CD84: variants seen among roughly 807,000 people sequenced by gnomAD.
The protein encoded by CD84 is SLAM family member 5.
A neutral mutation model predicts 33.8 loss-of-function variants in CD84; 22 were observed. The ratio of observed to expected loss-of-function variants is 0.65; its 90% confidence interval spans 0.46 to 0.93. The LOEUF is 0.93. Ranked by LOEUF, CD84 falls within the 40% of genes least tolerant of loss-of-function variation. CD84 has a pLI of 0.00. For missense variants in CD84, 400 were observed against 397.6 expected (o/e 1.01, Z -0.05); for synonymous variants, 154 against 145.2 (o/e 1.06, Z -0.44).
chr1:160,571,420 C>CT (rs1380975357), intron 1 of CD84: 1 of 152,058 alleles, frequency 6.6e-6, no homozygotes, highest in Non-Finnish European at 1.5e-5. Flanking sequence ...TCTAATGATT[C>CT]AGCGTTCAAC....
chr1:160,577,638 T>C (rs928395232), intron 1 of CD84, among the ~76,000 whole-genome samples: 7 of 152,170 alleles, frequency 4.6e-5, no homozygotes, highest in African/African-American at 1.7e-4. Flanking sequence ...CCAGGATCTC[T>C]GTGTGGTAAA....
intron 1 of CD84, among the ~76,000 whole-genome samples, chr1:160,575,441 T>C (rs189524935): frequency 6.6e-6 from 1 of 152,056 alleles, no homozygotes; most frequent in African/African-American, 2.4e-5. Flanking sequence ...CTGGGAGTTT[T>C]ACTTTATATC....
rs1344100025 is a variant in CD84, at chr1:160,550,968, G to A, written c.828C>T (p.Ser276=). Residue 276 remains serine, a synonymous_variant, in exon 5 of 7, where the codon TCC becomes TCT. Coordinates refer to ENST00000368054, the MANE Select transcript of CD84 (RefSeq NM_003874.4). ...ACTGCAGGATTTCATCATAGATTCT[G>A]GACTCTGCTGGCTGGGTGTTCCTTG... The part of the protein sequence containing the change: ...MASRNTQPAE[S]RIYDEILQSK... 1 of 1,613,972 alleles carries A rather than the reference G, an allele frequency of 6.2e-7. No homozygotes were observed. The highest frequency in any genetic ancestry group is 8.5e-7 in the Non-Finnish European group (1 of 1,179,958).
At chr1:160,568,554 G>A (rs1246712418) in intron 1 of CD84, among the ~76,000 whole-genome samples, 3 of 152,202 alleles carry the variant, frequency 2.0e-5, no homozygotes, top group Admixed American at 6.5e-5. Flanking sequence ...GGCAGAAGGT[G>A]TAGGTGCAAG....
intron 2 of CD84, among the ~76,000 whole-genome samples, chr1:160,560,590 G>C (rs1656887435): frequency 6.6e-6 from 1 of 151,876 alleles, no homozygotes; most frequent in Admixed American, 6.6e-5. Flanking sequence ...AAGAACTATA[G>C]AACCAAAAAC....
rs144340090 is a variant in CD84, at chr1:160,575,559, C to T, written c.46+3833G>A. The stretch of plus-strand genomic sequence containing the variant: ...AAACAGACATGAGATCATAGCCATC[C>T]GTTTTAACATTGCTGCCCTCTATTA... On this transcript the variant is annotated intron_variant, in intron 1 of 6. Transcript: ENST00000368054. 3.1e-3 allele frequency among the ~76,000 whole-genome samples: 474 copies of T among 151,724 alleles called. 4 individuals are homozygous for T. The highest frequency in any genetic ancestry group is 0.011 in the African/African-American group (453 of 41,282).
At position 160,579,391 on chromosome 1, in the gene CD84, C is replaced by T. The variant is rs769647338; in HGVS notation, c.46+1G>A. 1.7e-5 allele frequency: 28 copies of T among 1,612,994 alleles called. No homozygotes were observed. Among genetic ancestry groups the T allele is most frequent in the South Asian group, 4.4e-5 (4 of 91,056 alleles). ...GGCGATCAGCAAGGGTCAGAACTCA[C>T]AGGTTTGCAGGCAAAGGAGCAAGAT... On this transcript the variant is annotated splice_donor_variant, in intron 1 of 6. Transcript: ENST00000368054. LOFTEE classifies it high-confidence loss of function.
intron 4 of CD84, chr1:160,553,009 C>A: frequency 1.8e-6 from 1 of 569,370 alleles, no homozygotes; most frequent in Non-Finnish European, 3.2e-6. Context: ...TAGTCATAAT[C>A]AAAATACAAT....
rs1220910916 is a variant in CD84 at position 160,547,693 on chromosome 1, G to A, written c.*563C>T. 3 of 159,546 alleles carry A rather than the reference G, an allele frequency of 1.9e-5. No individual in the cohort carries two copies. Among genetic ancestry groups the A allele is most frequent in the African/African-American group, 7.2e-5 (3 of 41,566 alleles). 9.9% of individuals were successfully genotyped at this position (159,546 alleles called of 1,614,324 possible). A position where few individuals can be genotyped will look rare whatever the true frequency, so the allele number is the denominator to read the frequency against. ...CTGCTCTCCAAGCCATGCACTCGGG[G>A]GAAGGGCTGCATCTGCCTCAAGCGA... On this transcript the variant is annotated 3_prime_UTR_variant, in exon 7 of 7. Coordinates refer to ENST00000368054, the MANE Select transcript of CD84 (RefSeq NM_003874.4).
intron 2 of CD84, among the ~76,000 whole-genome samples, chr1:160,562,188 G>A (rs146639304): frequency 0.011 from 1,605 of 152,062 alleles, 14 homozygotes; most frequent in East Asian, 0.024. Context: ...ATTCACATTA[G>A]ACTACTATTG....
At chr1:160,568,173 C>T (rs190408757) in intron 1 of CD84, among the ~76,000 whole-genome samples, 6 of 152,260 alleles carry the variant, frequency 3.9e-5, no homozygotes, top group Admixed American at 3.9e-4. Flanking sequence ...GCTGGGTTCT[C>T]TCACTAAACC....
intron 1 of CD84, among the ~76,000 whole-genome samples, chr1:160,565,972 G>T (rs1657301837): frequency 6.6e-6 from 1 of 151,826 alleles, no homozygotes; most frequent in African/African-American, 2.4e-5. Context: ...TCTCACTAGA[G>T]ATCCATTTTG....
chr1:160,556,415 G>A (rs543298182), intron 2 of CD84, among the ~76,000 whole-genome samples: 2 of 152,250 alleles, frequency 1.3e-5, no homozygotes, highest in African/African-American at 4.8e-5. Context: ...AAATACAATT[G>A]TTGTGAGGAT....
chr1:160,568,476 T>G (rs1172991526), intron 1 of CD84, among the ~76,000 whole-genome samples: 1 of 152,104 alleles, frequency 6.6e-6, no homozygotes, highest in Admixed American at 6.6e-5. Context: ...TCTGCCACCT[T>G]CAAACACTCC....
At chr1:160,569,541 C>T (rs1222897226) in intron 1 of CD84, among the ~76,000 whole-genome samples, 1 of 68,266 alleles carries the variant, frequency 1.5e-5, no homozygotes, top group East Asian at 3.8e-4. Context: ...CACACACACA[C>T]GCACGCACGC....
rs756974605 is a variant in CD84 at position 160,544,388 on chromosome 1, A to G, written c.*3868T>C. 2.0e-5 allele frequency: 3 copies of G among 151,886 alleles called. No individual in the cohort carries two copies. Among genetic ancestry groups the G allele is most frequent in the Non-Finnish European group, 4.4e-5 (3 of 67,940 alleles). 9.4% of individuals were successfully genotyped at this position (151,886 alleles called of 1,614,324 possible). On this transcript the variant is annotated 3_prime_UTR_variant, in exon 7 of 7. Coordinates refer to ENST00000368054, the MANE Select transcript of CD84 (RefSeq NM_003874.4). ...GCTGGTCTCGAACTCCTTGTGATCC[A>G]CCCACCTTGGCCTCCCAAAATTCTA...
Position 160,579,460 on chromosome 1 carries a change from G to A in CD84, c.-23C>T, listed in dbSNP as rs1658166004. The A allele has an allele frequency of 6.2e-7, 1 of 1,612,592 alleles. No homozygotes were observed. Among genetic ancestry groups the A allele is most frequent in the East Asian group, 2.2e-5 (1 of 44,850 alleles). On this transcript the variant is annotated 5_prime_UTR_variant, in exon 1 of 7. Coordinates refer to ENST00000368054, the MANE Select transcript of CD84 (RefSeq NM_003874.4). ...CATCTCTTTCAGGGTCTAACCTTCT[G>A]TGGAAAAGCACGGCACTGTTCTAGC...
chr1:160,574,144 C>T (rs1397297651), intron 1 of CD84, among the ~76,000 whole-genome samples: 13 of 138,118 alleles, frequency 9.4e-5, no homozygotes, highest in Admixed American at 1.4e-4. Flanking sequence ...TTTTTTTTTG[C>T]AACTGACTCA....
rs1005412260 is a variant in CD84 at position 160,541,441 on chromosome 1, G to C, written c.*6815C>G. The C allele has an allele frequency of 9.9e-5, 15 of 152,210 alleles. No individual in the cohort carries two copies. Among genetic ancestry groups the C allele is most frequent in the Non-Finnish European group, 1.5e-4 (10 of 68,040 alleles). The allele number at this position is 152,210 out of a possible 1,614,324, so 9.4% of individuals were successfully genotyped here. A position where few individuals can be genotyped will look rare whatever the true frequency, so the allele number is the denominator to read the frequency against. Reference sequence around the variant, plus strand: ...AAGCAACTTATTAGCCAGTTGGAGAGAGAGCTAAGAAATACCATATCTATA... The same window carrying C: ...AAGCAACTTATTAGCCAGTTGGAGACAGAGCTAAGAAATACCATATCTATA... On this transcript the variant is annotated 3_prime_UTR_variant, in exon 7 of 7. Transcript: ENST00000368054.
Sources: gnomAD v4.1 joint callset for allele counts (sites outside exome capture counted in the v4.1 genomes callset) on GRCh38, gnomAD v4.1.1 for gene constraint, MANE v1.5 for transcripts, NCBI Gene and HGNC (gene_info 2026-07-23, HGNC 2026-07-21) for gene names.